The following PPFIA4 variants were observed in gnomAD, a reference collection of about 807,000 sequenced individuals.
PPFIA4 encodes liprin-alpha-4.
A neutral mutation model predicts 145.7 loss-of-function variants in PPFIA4; 98 were observed. The observed-to-expected ratio is 0.67, with a 90% CI of 0.57 to 0.80. The LOEUF is 0.80. Among genes scored for constraint, PPFIA4 ranks in the 30% least tolerant of loss-of-function variants. PPFIA4 has a pLI of 0.00. For synonymous variants in PPFIA4, 628 were observed against 649.6 expected, an observed-to-expected ratio of 0.97 and a Z score of 0.51; for missense variants, 1,457 against 1,632.7, an observed-to-expected ratio of 0.89 and a Z score of 1.85.
Position 203,051,876 on chromosome 1 carries a change from A to C in PPFIA4, c.1619A>C (p.Lys540Thr). Residue 540 changes from lysine (K) to threonine (T), a missense_variant and splice_region_variant, in exon 14 of 30, where the codon AAG (lysine) becomes ACG (threonine). By Grantham distance (78) the Lys-to-Thr change is moderately conservative. Transcript: ENST00000295706. ...RYSALREESA[K>T]DWETSPLPGM... ...TCGGCATTGAGGGAAGAGTCTGCCA[A>C]GGTGAGGGGGTGGAGGGATCTCCTC... 1 of 1,613,184 alleles carries C rather than the reference A, an allele frequency of 6.2e-7. No individual in the cohort carries two copies. Among genetic ancestry groups the C allele is most frequent in the East Asian group, 2.2e-5 (1 of 44,868 alleles).
intron 1 of PPFIA4, among the ~76,000 whole-genome samples, chr1:203,032,710 G>T (rs1193312502): frequency 6.6e-6 from 1 of 151,080 alleles, no homozygotes; most frequent in East Asian, 1.9e-4. Context: ...TCCTCCCAAA[G>T]TGCTGGGATT....
chr1:203,033,275 G>A (rs774294479), intron 1 of PPFIA4, among the ~76,000 whole-genome samples: 1 of 152,204 alleles, frequency 6.6e-6, no homozygotes, highest in Non-Finnish European at 1.5e-5. Context: ...GGGGCCCAGA[G>A]AACTGGATGC....
At chr1:203,065,365 C>T (rs936265689) in intron 25 of PPFIA4, among the ~76,000 whole-genome samples, 3 of 152,072 alleles carry the variant, frequency 2.0e-5, no homozygotes, top group African/African-American at 4.8e-5. Flanking sequence ...TTTCTCTGCC[C>T]GGAGGCTGCC....
At chr1:203,052,699 G>A (rs1291627966) in intron 14 of PPFIA4, among the ~76,000 whole-genome samples, 2 of 152,162 alleles carry the variant, frequency 1.3e-5, no homozygotes, top group African/African-American at 2.4e-5. Flanking sequence ...GGGGGCTTGG[G>A]TCATAGAGGA....
At position 203,044,761 on chromosome 1, in the gene PPFIA4, G is replaced by C; in HGVS notation, c.642G>C (p.Glu214Asp). Residue 214 changes from glutamate to aspartate, a missense_variant, in exon 6 of 30, where the codon GAG becomes GAC. By Grantham distance (45) the Glu-to-Asp change is conservative. This residue lies in a region of PPFIA4 where 463 missense variants were observed against 459.8 expected (regional missense o/e 1.01). Coordinates refer to ENST00000295706, the MANE Select transcript of PPFIA4 (RefSeq NM_001304331.2). The part of the protein sequence containing the change: ...DGAAEEEGTV[E>D]LGPKRLWKED... The stretch of plus-strand genomic sequence containing the variant: ...CGGCAGAAGAGGAGGGGACTGTGGA[G>C]CTGGGGCCGAAACGCCTGTGGAAGG... 1.3e-6 allele frequency: 2 copies of C among 1,565,624 alleles called. No individual in the cohort carries two copies. Among genetic ancestry groups the C allele is most frequent in the East Asian group, 2.4e-5 (1 of 42,482 alleles).
chr1:203,060,108 T>C lies in PPFIA4; in HGVS notation c.2584-109T>C. 3 of 1,033,190 alleles carry C rather than the reference T, an allele frequency of 2.9e-6. No individual in the cohort carries two copies. Among genetic ancestry groups the C allele is most frequent in the Non-Finnish European group, 4.3e-6 (3 of 693,648 alleles). 64.0% of individuals were successfully genotyped at this position (1,033,190 alleles called of 1,614,324 possible). On this transcript the variant is annotated intron_variant, in intron 21 of 29. Coordinates refer to ENST00000295706, the MANE Select transcript of PPFIA4 (RefSeq NM_001304331.2). This position sits in a 1 kb window ranked among gnomAD's most constrained non-coding sequence, Gnocchi z 4.8. Reference sequence around the variant, plus strand: ...ACCGCCACATTCCTATGATCTGTATTTGCTATTCGAGTCCGTGGATGAGGC... The same window carrying C: ...ACCGCCACATTCCTATGATCTGTATCTGCTATTCGAGTCCGTGGATGAGGC...
At chr1:203,029,673 T>C (rs1052889697) in intron 1 of PPFIA4, among the ~76,000 whole-genome samples, 4 of 152,250 alleles carry the variant, frequency 2.6e-5, no homozygotes, top group African/African-American at 9.6e-5. Context: ...CCACTGGAGA[T>C]ATTTAACCTG....
chr1:203,047,416 A>G (rs1227590603), intron 9 of PPFIA4, among the ~76,000 whole-genome samples: 1 of 152,220 alleles, frequency 6.6e-6, no homozygotes, highest in East Asian at 1.9e-4. Flanking sequence ...CTGAGCAGTC[A>G]GCCTTAGTGT....
Position 203,053,760 on chromosome 1 carries a change from A to G in PPFIA4, c.1628A>G (p.Glu543Gly), listed in dbSNP as rs1039075952. 6 of 1,550,506 alleles carry G rather than the reference A, an allele frequency of 3.9e-6. No homozygotes were observed. Among genetic ancestry groups the G allele is most frequent in the Non-Finnish European group, 5.2e-6 (6 of 1,147,060 alleles). The change falls in exon 15 of 30, where the codon GAG becomes GGG. Residue 543 changes from glutamate to glycine, a missense_variant. Around this residue, in one of 3 missense-constraint regions of PPFIA4, gnomAD observed 848 missense variants for 1,046.7 expected, o/e 0.81. Coordinates refer to ENST00000295706, the MANE Select transcript of PPFIA4 (RefSeq NM_001304331.2). Reference protein sequence around the residue: ...ALREESAKDWETSPLPGMLAP... With the variant: ...ALREESAKDWGTSPLPGMLAP... ...CCCTCCTCCTTTGCTAAGGACTGGG[A>G]GACTTCTCCACTGCCTGGGATGCTG...
chr1:203,034,506 A>G (rs1225458158), intron 1 of PPFIA4: 1 of 456,304 alleles, frequency 2.2e-6, no homozygotes, highest in Non-Finnish European at 4.4e-6. Context: ...CCCAAGGACG[A>G]GGGCTCCGAA....
chr1:203,048,149 A>G lies in PPFIA4; in HGVS notation c.1141-78A>G. On this transcript the variant is annotated intron_variant, in intron 9 of 29. Coordinates refer to ENST00000295706, the MANE Select transcript of PPFIA4 (RefSeq NM_001304331.2). This position sits in a 1 kb window ranked among gnomAD's most constrained non-coding sequence, Gnocchi z 5.8. ...CCATGATCCCCAGGGCCACCCTGGC[A>G]CCAGGGTGCAGGGGATGCGGGGCCT... 1 of 1,402,060 alleles carries G rather than the reference A, an allele frequency of 7.1e-7. No homozygotes were observed. The highest frequency in any genetic ancestry group is 1.2e-5 in the South Asian group (1 of 83,250). The allele number at this position is 1,402,060 out of a possible 1,614,324, so 86.9% of individuals were successfully genotyped here.
intron 1 of PPFIA4, among the ~76,000 whole-genome samples, chr1:203,031,582 A>G (rs1468543123): frequency 6.6e-6 from 1 of 152,142 alleles, no homozygotes. Context: ...GGTGCCTATT[A>G]GCACTCCGGA....
chr1:203,074,121 A>G (rs542993435), intron 28 of PPFIA4, among the ~76,000 whole-genome samples: 1 of 152,246 alleles, frequency 6.6e-6, no homozygotes, highest in African/African-American at 2.4e-5. Context: ...GGAGGTGAGA[A>G]AAGGAGGAGG....
rs966138194 is a variant in PPFIA4 at position 203,056,015 on chromosome 1, G to C, written c.2071-105G>C. The C allele has an allele frequency of 6.9e-6, 8 of 1,155,420 alleles. No homozygotes were observed. The African/African-American group carries it at 9.4e-5, about 14-fold the overall frequency. 71.6% of individuals were successfully genotyped at this position (1,155,420 alleles called of 1,614,324 possible). On this transcript the variant is annotated intron_variant, in intron 16 of 29. Coordinates refer to ENST00000295706, the MANE Select transcript of PPFIA4 (RefSeq NM_001304331.2). The stretch of plus-strand genomic sequence containing the variant: ...GATATTCTCTCCGGGCCTGTGTGAG[G>C]CACTGAATCCTATCTTCTCATCCTA...
chr1:203,065,505 G>A (rs1244989960), intron 25 of PPFIA4, among the ~76,000 whole-genome samples: 2 of 152,140 alleles, frequency 1.3e-5, no homozygotes, highest in African/African-American at 2.4e-5. Context: ...CAGGACTATG[G>A]AAATCCTCCC....
At chr1:203,049,930 C>T (rs953310216) in intron 13 of PPFIA4, among the ~76,000 whole-genome samples, 163 bp downstream of exon 13, 7 of 152,236 alleles carry the variant, frequency 4.6e-5, no homozygotes, top group African/African-American at 1.4e-4. Context: ...ACCCAGCTTA[C>T]TTGGGCAGTT....
At chr1:203,045,820 T>G in intron 7 of PPFIA4, 21 bp from the exon 8 acceptor site, 1 of 1,612,746 alleles carries the variant, frequency 6.2e-7, no homozygotes, top group Non-Finnish European at 8.5e-7. Flanking sequence ...TTACCGTCCT[T>G]CTTGTCCCCT....
chr1:203,055,819 C>A lies in PPFIA4; in HGVS notation c.2070+147C>A. 1 of 1,314,256 alleles carries A rather than the reference C, an allele frequency of 7.6e-7. No individual in the cohort carries two copies. Among genetic ancestry groups the A allele is most frequent in the Non-Finnish European group, 1.0e-6 (1 of 958,236 alleles). 81.4% of individuals were successfully genotyped at this position (1,314,256 alleles called of 1,614,324 possible). A position where few individuals can be genotyped will look rare whatever the true frequency, so the allele number is the denominator to read the frequency against. ...AGACCCCGACATGTCAGGCCACCAG[C>A]CTGTCCTTCTGGGTTTGGGAAGGGC... On this transcript the variant is annotated intron_variant, in intron 16 of 29. Coordinates refer to ENST00000295706, the MANE Select transcript of PPFIA4 (RefSeq NM_001304331.2). The surrounding 1 kb of genome is among the most constrained non-coding windows in gnomAD (Gnocchi z 4.8).
Position 203,068,888 on chromosome 1 carries a change from C to A in PPFIA4, c.3324+260C>A, listed in dbSNP as rs1437905307. Among the ~76,000 whole-genome samples the A allele has an allele frequency of 1.1e-4, 17 of 152,174 alleles. No individual in the cohort carries two copies. Among genetic ancestry groups the A allele is most frequent in the Non-Finnish European group, 1.5e-5 (1 of 68,024 alleles). On this transcript the variant is annotated intron_variant, in intron 27 of 29. Transcript: ENST00000295706. This position sits in a 1 kb window ranked among gnomAD's most constrained non-coding sequence, Gnocchi z 4.7. ...CACAGTGTGCTCTTACAATGCGCAT[C>A]CCCGTCCTGCCCTGGGTACCTCTAT...
Sources: gnomAD v4.1 joint callset for allele counts (sites outside exome capture counted in the v4.1 genomes callset) on GRCh38, gnomAD v4.1.1 for gene constraint, gnomAD v4.1.1 regional missense constraint, Gnocchi (gnomAD v3.1) non-coding constraint, MANE v1.5 for transcripts, NCBI Gene and HGNC (gene_info 2026-07-23, HGNC 2026-07-21) for gene names.